Variants in MAF observed in about 807,000 individuals in gnomAD.
MAF encodes the protein transcription factor Maf.
MAF carries 10 observed loss-of-function variants against 22.0 expected under a neutral mutation model. That is an observed-to-expected ratio of 0.45 (90% CI 0.28 to 0.77). The LOEUF (loss-of-function observed/expected upper bound fraction) is 0.77. Ranked by LOEUF, MAF falls within the 30% of genes least tolerant of loss-of-function variation. The pLI is 0.12. For missense variants in MAF, 544 were observed against 548.4 expected, an observed-to-expected ratio of 0.99 and a Z score of 0.08; for synonymous variants, 337 against 255.8, an observed-to-expected ratio of 1.32 and a Z score of -3.03.
the MAF span, among the ~76,000 whole-genome samples, chr16:79,396,754 C>G: frequency 6.6e-6 from 1 of 152,268 alleles, no homozygotes; most frequent in African/African-American, 2.4e-5. Context: ...CTCCCATACC[C>G]AGACACTCTA....
At chr16:79,452,032 T>G in the MAF span, among the ~76,000 whole-genome samples, 1 of 152,216 alleles carries the variant, frequency 6.6e-6, no homozygotes, top group African/African-American at 2.4e-5. Flanking sequence ...CGCCTATTTC[T>G]GTAAATAAAG....
chr16:79,236,904 G>A, the MAF span, among the ~76,000 whole-genome samples: 1 of 148,422 alleles, frequency 6.7e-6, no homozygotes. Flanking sequence ...ATTCTTTAGT[G>A]CTTCTACTTG....
the MAF span, among the ~76,000 whole-genome samples, chr16:79,409,221 AC>A: frequency 6.6e-6 from 1 of 152,234 alleles, no homozygotes; most frequent in Non-Finnish European, 1.5e-5. Context: ...ATAGAAAAAA[AC>A]AATAATATTT....
chr16:79,260,505 A>ATATCTATATCTATATC, the MAF span, among the ~76,000 whole-genome samples: 5 of 151,728 alleles, frequency 3.3e-5, no homozygotes, highest in Admixed American at 3.3e-4. Context: ...ATCTATATCT[A>ATATCTATATCTATATC]TATATTTGTC....
At chr16:79,403,267 T>G in the MAF span, among the ~76,000 whole-genome samples, 3 of 152,198 alleles carry the variant, frequency 2.0e-5, no homozygotes, top group Admixed American at 2.0e-4. Flanking sequence ...AGCTCCCGAT[T>G]TTCTGTAGCT....
the MAF span, among the ~76,000 whole-genome samples, chr16:79,300,452 G>C: frequency 2.0e-5 from 3 of 152,134 alleles, no homozygotes; most frequent in Non-Finnish European, 4.4e-5. Flanking sequence ...CTACTCAGGA[G>C]GCTGAGTCAG....
the MAF span, among the ~76,000 whole-genome samples, chr16:79,306,702 C>G: frequency 6.6e-6 from 1 of 152,146 alleles, no homozygotes; most frequent in African/African-American, 2.4e-5. Context: ...GGTTCATCAT[C>G]ATCATCATCA....
At chr16:79,508,898 C>T in the MAF span, among the ~76,000 whole-genome samples, 1 of 152,104 alleles carries the variant, frequency 6.6e-6, no homozygotes, top group Admixed American at 6.5e-5. Flanking sequence ...GGGTATGAGG[C>T]TTCCTTTGGA....
At chr16:79,557,772 T>C in the MAF span, among the ~76,000 whole-genome samples, 2 of 152,084 alleles carry the variant, frequency 1.3e-5, no homozygotes, top group African/African-American at 4.8e-5. Flanking sequence ...GCCTACTGTA[T>C]GCTGAGTGCT....
At chr16:79,221,275 T>G in the MAF span, among the ~76,000 whole-genome samples, 6 of 152,226 alleles carry the variant, frequency 3.9e-5, no homozygotes, top group African/African-American at 1.4e-4. Context: ...TGTGCTCTTC[T>G]TATTATTGGC....
chr16:79,318,239 G>T, the MAF span, among the ~76,000 whole-genome samples: 2 of 152,110 alleles, frequency 1.3e-5, no homozygotes, highest in Non-Finnish European at 2.9e-5. Flanking sequence ...CTGTTCCCAG[G>T]TTGCATCCAC....
the MAF span, among the ~76,000 whole-genome samples, chr16:79,332,307 T>A: frequency 6.8e-6 from 1 of 147,544 alleles, no homozygotes; most frequent in Non-Finnish European, 1.5e-5. Context: ...ATAATAATAT[T>A]TTTTTTTTCT....
chr16:79,508,773 T>C, the MAF span, among the ~76,000 whole-genome samples: 1 of 152,224 alleles, frequency 6.6e-6, no homozygotes, highest in Non-Finnish European at 1.5e-5. Context: ...AGAAAGGGCA[T>C]GTCTCATAGG....
the MAF span, among the ~76,000 whole-genome samples, chr16:79,382,719 G>C: frequency 6.6e-6 from 1 of 152,136 alleles, no homozygotes; most frequent in Non-Finnish European, 1.5e-5. Flanking sequence ...CTGTTGATCA[G>C]AGCATCATAT....
the MAF span, among the ~76,000 whole-genome samples, chr16:79,473,123 A>C: frequency 1.3e-5 from 2 of 152,150 alleles, no homozygotes; most frequent in African/African-American, 2.4e-5. Flanking sequence ...GTCGATGGCC[A>C]TCTGGTCGTT....
At chr16:79,210,172 G>A in the MAF span, among the ~76,000 whole-genome samples, 1 of 152,110 alleles carries the variant, frequency 6.6e-6, no homozygotes, top group African/African-American at 2.4e-5. Flanking sequence ...GACTGCATTT[G>A]ACCATTCAGT....
the MAF span, among the ~76,000 whole-genome samples, chr16:79,298,977 C>G: frequency 3.9e-5 from 6 of 152,282 alleles, no homozygotes; most frequent in African/African-American, 1.4e-4. Context: ...CCCACCAATG[C>G]TTGCTCCTGG....
the MAF span, among the ~76,000 whole-genome samples, chr16:79,283,328 A>G: frequency 6.6e-6 from 1 of 152,242 alleles, no homozygotes; most frequent in Non-Finnish European, 1.5e-5. Context: ...CCAGTTCACA[A>G]TAAGTACATT....
chr16:79,212,692 T>G, the MAF span: 1 of 148,118 alleles, frequency 6.8e-6, no homozygotes, highest in Non-Finnish European at 1.5e-5. Context: ...TATTGTTTCT[T>G]TAAATGTTTG....
Sources: allele counts gnomAD v4.1 joint callset (sites outside exome capture counted in the v4.1 genomes callset), GRCh38; gene constraint gnomAD v4.1.1; transcripts MANE v1.5; gene names NCBI Gene and HGNC (gene_info 2026-07-23, HGNC 2026-07-21).